Variants in PCBP3 observed in about 807,000 individuals in gnomAD.
PCBP3 encodes poly(rC) binding protein 3.
PCBP3 carries 25 observed loss-of-function variants against 52.7 expected under a neutral mutation model. That is an observed-to-expected ratio of 0.47 (90% confidence interval 0.35 to 0.66). The LOEUF is 0.66. Ranked by LOEUF, PCBP3 falls within the 30% of genes least tolerant of loss-of-function variation. The pLI, the probability that PCBP3 is intolerant of heterozygous loss-of-function variation, is 0.01. For synonymous variants in PCBP3, 162 were observed against 183.0 expected (o/e 0.89, Z 0.93); for missense variants, 391 against 490.3 (o/e 0.80, Z 1.91).
At chr21:45,910,654 C>T (rs1224296850) in intron 10 of PCBP3, among the ~76,000 whole-genome samples, 1 of 152,196 alleles carries the variant, frequency 6.6e-6, no homozygotes, top group African/African-American at 2.4e-5. Flanking sequence ...TGATTAGATG[C>T]CTCCTTGTCT....
intron 4 of PCBP3, among the ~76,000 whole-genome samples, chr21:45,824,739 C>T (rs1342907884): frequency 6.6e-6 from 1 of 152,132 alleles, no homozygotes; most frequent in Non-Finnish European, 1.5e-5. Flanking sequence ...ATGATGAAAC[C>T]CAGATGGCTG....
intron 4 of PCBP3, among the ~76,000 whole-genome samples, chr21:45,823,082 A>G (rs759288819): frequency 6.6e-6 from 1 of 152,036 alleles, no homozygotes; most frequent in Non-Finnish European, 1.5e-5. Flanking sequence ...GTTTTATTCA[A>G]CTCTTACTTT....
intron 4 of PCBP3, among the ~76,000 whole-genome samples, chr21:45,809,692 C>T (rs138107859): frequency 8.3e-4 from 126 of 152,368 alleles, no homozygotes; most frequent in Middle Eastern, 3.4e-3. Flanking sequence ...TGCTATGCTG[C>T]GATCCGGGTC....
At position 45,802,057 on chromosome 21, in the gene PCBP3, A is replaced by G. The variant is rs2092325215; in HGVS notation, c.-126+46605A>G. 6.6e-6 allele frequency among the ~76,000 whole-genome samples: 1 copy of G among 152,110 alleles called. No individual in the cohort carries two copies. Among genetic ancestry groups the G allele is most frequent in the Admixed American group, 6.5e-5 (1 of 15,278 alleles). On this transcript the variant is annotated intron_variant, in intron 4 of 17. Transcript: ENST00000681687. The surrounding 1 kb of genome is among the most constrained non-coding windows in gnomAD (Gnocchi z 5.1). ...CCTCCTCTTCCTTGAGGGCATCGTC[A>G]TGATTCAGCAGTGACTTCTGGGCTG...
intron 1 of PCBP3, among the ~76,000 whole-genome samples, chr21:45,667,102 CTTTCTTTT>C (rs925433395): frequency 7.5e-6 from 1 of 133,064 alleles, no homozygotes; most frequent in African/African-American, 2.6e-5. Context: ...TTCTTTCTTT[CTTTCTTTT>C]TCTTTCTTTC....
chr21:45,855,316 G>T (rs184156940), intron 5 of PCBP3, among the ~76,000 whole-genome samples: 2 of 152,152 alleles, frequency 1.3e-5, no homozygotes, highest in African/African-American at 4.8e-5. Flanking sequence ...GGCTCCGGAA[G>T]CCCACGGAGA....
At chr21:45,665,723 CTA>C (rs1427169783) in intron 1 of PCBP3, among the ~76,000 whole-genome samples, 2 of 152,144 alleles carry the variant, frequency 1.3e-5, no homozygotes, top group Admixed American at 6.5e-5. Flanking sequence ...CCTACTGAAA[CTA>C]TTCCAAAAAA....
intron 4 of PCBP3, among the ~76,000 whole-genome samples, chr21:45,825,194 G>A (rs764108916): frequency 2.0e-5 from 3 of 152,148 alleles, no homozygotes; most frequent in Non-Finnish European, 4.4e-5. Flanking sequence ...GGTGGTTCAG[G>A]GATGTTTGCG....
chr21:45,791,569 G>T lies in PCBP3; in HGVS notation c.-126+36117G>T, dbSNP rs927733649. Among the ~76,000 whole-genome samples, 3 of 152,226 alleles carry T rather than the reference G, an allele frequency of 2.0e-5. No individual in the cohort carries two copies. The highest frequency in any genetic ancestry group is 4.4e-5 in the Non-Finnish European group (3 of 68,032). On this transcript the variant is annotated intron_variant, in intron 4 of 17. Coordinates refer to ENST00000681687, the MANE Select transcript of PCBP3 (RefSeq NM_001384156.1). The surrounding 1 kb of genome is among the most constrained non-coding windows in gnomAD (Gnocchi z 4.2). ...CTGGGCTAGGGAAGGAGAGAAGCTC[G>T]CGAGGGAGGTGTGCAACAGCCGGAA...
rs553266124 is a variant in PCBP3, at chr21:45,823,029, T to C, written c.-125-26932T>C. ...CTTCCCCCTCCATGCTGTCCTCTTA[T>C]AGGACATCGGTCTGTGCAACCTAAG... On this transcript the variant is annotated intron_variant, in intron 4 of 17. Coordinates refer to ENST00000681687, the MANE Select transcript of PCBP3 (RefSeq NM_001384156.1). Among the ~76,000 whole-genome samples, 3 of 152,330 alleles carry C rather than the reference T, an allele frequency of 2.0e-5. No homozygotes were observed. The South Asian group carries it at 6.2e-4, about 32-fold the overall frequency.
At chr21:45,878,063 C>T (rs1249970241) in intron 5 of PCBP3, among the ~76,000 whole-genome samples, 4 of 152,262 alleles carry the variant, frequency 2.6e-5, no homozygotes, top group Admixed American at 2.6e-4. Flanking sequence ...GCATTTCTGT[C>T]TGAGGATGGA....
At chr21:45,848,966 T>C (rs772854133) in intron 4 of PCBP3, among the ~76,000 whole-genome samples, 3 of 152,232 alleles carry the variant, frequency 2.0e-5, no homozygotes, top group Non-Finnish European at 4.4e-5. Flanking sequence ...TAGCTGGGAA[T>C]GGACATGCCA....
chr21:45,715,362 A>G (rs2084142143), intron 2 of PCBP3, among the ~76,000 whole-genome samples: 1 of 152,178 alleles, frequency 6.6e-6, no homozygotes, highest in South Asian at 2.1e-4. Flanking sequence ...TTTTGAATTG[A>G]GGTATAATTT....
intron 2 of PCBP3, among the ~76,000 whole-genome samples, chr21:45,720,039 C>T (rs75766435): frequency 0.031 from 4,709 of 152,218 alleles, 247 homozygotes; most frequent in African/African-American, 0.11. Context: ...AAGAGGAATA[C>T]TCAGTGCTGC....
Position 45,805,838 on chromosome 21 carries a change from C to T in PCBP3, c.-125-44123C>T, listed in dbSNP as rs1283249975. Reference sequence around the variant, plus strand: ...TTCTGTGGCAGCGAAGGTGGCATTCCCTCCTAGCACCTGCACACTCGGATG... The same window carrying T: ...TTCTGTGGCAGCGAAGGTGGCATTCTCTCCTAGCACCTGCACACTCGGATG... On this transcript the variant is annotated intron_variant, in intron 4 of 17. Coordinates refer to ENST00000681687, the MANE Select transcript of PCBP3 (RefSeq NM_001384156.1). The surrounding 1 kb of genome is among the most constrained non-coding windows in gnomAD (Gnocchi z 4.6). 6.6e-6 allele frequency among the ~76,000 whole-genome samples: 1 copy of T among 152,092 alleles called. No individual in the cohort carries two copies. Among genetic ancestry groups the T allele is most frequent in the African/African-American group, 2.4e-5 (1 of 41,412 alleles).
intron 16 of PCBP3, 140 bp downstream of exon 16, chr21:45,935,445 T>C: frequency 1.4e-6 from 1 of 713,772 alleles, no homozygotes; most frequent in East Asian, 2.7e-5. Context: ...TTGATCTGTG[T>C]CCTCCCTCCT....
chr21:45,790,347 G>A (rs1441456026), intron 4 of PCBP3, among the ~76,000 whole-genome samples: 1 of 152,110 alleles, frequency 6.6e-6, no homozygotes, highest in Non-Finnish European at 1.5e-5. Flanking sequence ...GGGGCTCTAG[G>A]CCCGATTAGC....
intron 4 of PCBP3, among the ~76,000 whole-genome samples, chr21:45,781,192 T>C (rs1035469351): frequency 2.0e-5 from 3 of 152,080 alleles, no homozygotes; most frequent in African/African-American, 7.2e-5. Context: ...CAACATAATA[T>C]TATAAAAATT....
rs141573606 is a variant in PCBP3 at position 45,699,913 on chromosome 21, C to T, written c.-200+30961C>T. Among the ~76,000 whole-genome samples, 8 of 152,262 alleles carry T rather than the reference C, an allele frequency of 5.3e-5. No individual in the cohort carries two copies. In the East Asian group the frequency reaches 5.8e-4, roughly 11 times the overall value. Reference sequence around the variant, plus strand: ...GGGACACAGCCAAACCATATCATTCCGCCCCAGCCCCTCTCAAATCTCATG... The same window carrying T: ...GGGACACAGCCAAACCATATCATTCTGCCCCAGCCCCTCTCAAATCTCATG... On this transcript the variant is annotated intron_variant, in intron 2 of 17. Transcript: ENST00000681687.
Sources: gnomAD v4.1 joint callset for allele counts (sites outside exome capture counted in the v4.1 genomes callset) on GRCh38, gnomAD v4.1.1 for gene constraint, Gnocchi (gnomAD v3.1) non-coding constraint, MANE v1.5 for transcripts, NCBI Gene and HGNC (gene_info 2026-07-23, HGNC 2026-07-21) for gene names.